The following HDAC5 variants were observed in gnomAD, a reference collection of about 807,000 sequenced individuals.
HDAC5 encodes histone deacetylase 5.
A neutral mutation model predicts 133.3 loss-of-function variants in HDAC5; 25 were observed. The ratio of observed to expected loss-of-function variants is 0.19; its 90% CI spans 0.14 to 0.26. HDAC5 has a LOEUF of 0.26. Among genes scored for constraint, HDAC5 ranks in the 10% least tolerant of loss-of-function variants. HDAC5 has a pLI of 1.00. For synonymous variants in HDAC5, 589 were observed against 610.8 expected, an observed-to-expected ratio of 0.96 and a Z score of 0.53; for missense variants, 1,041 against 1,460.5, an observed-to-expected ratio of 0.71 and a Z score of 4.68.
At chr17:44,114,693 T>A (rs1037773425) in intron 2 of HDAC5, among the ~76,000 whole-genome samples, 2 of 152,146 alleles carry the variant, frequency 1.3e-5, no homozygotes, top group African/African-American at 4.8e-5. Flanking sequence ...CCCAGGCCCC[T>A]GGGCAGCTCC....
chr17:44,091,728 G>A lies in HDAC5; in HGVS notation c.1136C>T (p.Thr379Met), dbSNP rs750672810. The A allele has an allele frequency of 6.9e-6, 11 of 1,585,666 alleles. No individual in the cohort carries two copies. Among genetic ancestry groups the A allele is most frequent in the Middle Eastern group, 1.7e-4 (1 of 5,912 alleles). ...LPNISLGLQA[T>M]VTVTNSHLTA... is the part of the protein sequence containing the mutation. ...GAGGTGTGAGTTGGTGACAGTGACC[G>A]TGGCCTGCAGCCCTAGGGAGATGTT... Residue 379 changes from threonine to methionine, a missense_variant, in exon 10 of 27, where the codon ACG (threonine) becomes ATG (methionine). This residue lies in a region of HDAC5 where 433 missense variants were observed against 531.6 expected (regional missense o/e 0.81). Transcript: ENST00000682912.
intron 12 of HDAC5, 58 bp downstream of exon 12, chr17:44,088,329 T>G: frequency 3.3e-6 from 5 of 1,520,470 alleles, no homozygotes; most frequent in Non-Finnish European, 4.4e-6. Flanking sequence ...GCCAGCCTGG[T>G]ACTCTCCTGT....
intron 2 of HDAC5, among the ~76,000 whole-genome samples, chr17:44,116,259 G>C (rs2052639457): frequency 6.6e-6 from 1 of 152,226 alleles, no homozygotes; most frequent in Non-Finnish European, 1.5e-5. Context: ...GTAGTGTCCA[G>C]CCAAGATGCA....
At position 44,077,289 on chromosome 17, in the gene HDAC5, CTTA is replaced by C. The variant is rs2050165535; in HGVS notation, c.*1084_*1086del. 1 of 152,646 alleles carries C rather than the reference CTTA, an allele frequency of 6.6e-6. No homozygotes were observed. Among genetic ancestry groups the C allele is most frequent in the Non-Finnish European group, 1.5e-5 (1 of 68,112 alleles). The allele number at this position is 152,646 out of a possible 1,614,324, so 9.5% of individuals were successfully genotyped here. A position where few individuals can be genotyped will look rare whatever the true frequency, so the allele number is the denominator to read the frequency against. On this transcript the variant is annotated 3_prime_UTR_variant, in exon 27 of 27. Coordinates refer to ENST00000682912, the MANE Select transcript of HDAC5 (RefSeq NM_005474.5). ...GGACAGCGCCCAGCCCCCTCCTGGT[CTTA>C]GCTCCCTTGGGCTGGTGGTCAGCAA... is the stretch of plus-strand genomic sequence containing the variant.
intron 3 of HDAC5, among the ~76,000 whole-genome samples, chr17:44,094,842 C>T (rs187844376): frequency 6.6e-6 from 1 of 152,108 alleles, no homozygotes; most frequent in African/African-American, 2.4e-5. Flanking sequence ...CTTGCTCTGT[C>T]GCCCAGGCTG....
intron 3 of HDAC5, among the ~76,000 whole-genome samples, chr17:44,108,465 G>A (rs2143533232): frequency 6.6e-6 from 1 of 152,286 alleles, no homozygotes; most frequent in East Asian, 1.9e-4. Context: ...AGATGCTGCT[G>A]GAGGTGGCAG....
chr17:44,085,014 T>TC lies in HDAC5; in HGVS notation c.2184+7dup. The TC allele has an allele frequency of 6.4e-7, 1 of 1,561,470 alleles. No individual in the cohort carries two copies. Among genetic ancestry groups the TC allele is most frequent in the African/African-American group, 1.4e-5 (1 of 73,008 alleles). ...GTTGAGAGCCAGAAGAAGGAGGGGC[T>TC]CCCTTACCTCGCACTTGCTAAGCAG... On this transcript the variant is annotated splice_region_variant and intron_variant, in intron 15 of 26. Coordinates refer to ENST00000682912, the MANE Select transcript of HDAC5 (RefSeq NM_005474.5).
chr17:44,078,546 C>T lies in HDAC5; in HGVS notation c.3283G>A (p.Gly1095Arg), dbSNP rs747074641. 25 of 1,612,182 alleles carry T rather than the reference C, an allele frequency of 1.6e-5. No individual in the cohort carries two copies. The highest frequency in any genetic ancestry group is 2.2e-5 in the East Asian group (1 of 44,882). ...GCCGCAGCCTGGGCCTGCTCGGCCC[C>T]CACCGACAGCAAGGCCATGGCGCTC... ...TVSAMALLSV[G>R]AEQAQAAAAR... The change falls in exon 26 of 27, where the codon GGG becomes AGG. Residue 1095 changes from glycine (G) to arginine (R), a missense_variant. Coordinates refer to ENST00000682912, the MANE Select transcript of HDAC5 (RefSeq NM_005474.5).
In HDAC5 at chr17:44,087,636, C is replaced by T; in HGVS notation, c.1660G>A (p.Glu554Lys). 1 of 1,613,272 alleles carries T rather than the reference C, an allele frequency of 6.2e-7. No homozygotes were observed. The highest frequency in any genetic ancestry group is 8.5e-7 in the Non-Finnish European group (1 of 1,179,584). Residue 554 changes from glutamate (E) to lysine (K), a missense_variant, in exon 13 of 27, where the codon GAG becomes AAG. Glu to Lys is a moderately conservative substitution (Grantham distance 56). This residue lies in a region of HDAC5 where 433 missense variants were observed against 531.6 expected (regional missense o/e 0.81). Transcript: ENST00000682912. ...QPTTHPEETE[E>K]ELTEQQEVLL... Reference sequence around the variant, plus strand: ...ACCTCCTGCTGCTCCGTCAGCTCCTCCTCTGTCTCCTCAGGGTGGGTGGTG... The same window carrying T: ...ACCTCCTGCTGCTCCGTCAGCTCCTTCTCTGTCTCCTCAGGGTGGGTGGTG...
chr17:44,109,710 G>A (rs1199204246), intron 3 of HDAC5, among the ~76,000 whole-genome samples: 2 of 152,240 alleles, frequency 1.3e-5, no homozygotes, highest in African/African-American at 2.4e-5. Context: ...ACCTGCAGAG[G>A]CACACAGTTC....
chr17:44,114,258 G>A (rs548710107), intron 2 of HDAC5, among the ~76,000 whole-genome samples: 14 of 152,222 alleles, frequency 9.2e-5, no homozygotes, highest in Non-Finnish European at 1.9e-4. Context: ...GAGAAGGGAG[G>A]CCAGGAGTCT....
At chr17:44,094,330 A>AAAAAAAC (rs1271195179) in intron 3 of HDAC5, among the ~76,000 whole-genome samples, 1 of 151,286 alleles carries the variant, frequency 6.6e-6, no homozygotes, top group Non-Finnish European at 1.5e-5. Flanking sequence ...TCCAGAAAAA[A>AAAAAAAC]AAAAAACAAA....
chr17:44,084,392 G>A (rs991760076), intron 16 of HDAC5, among the ~76,000 whole-genome samples, 163 bp downstream of exon 16: 4 of 152,110 alleles, frequency 2.6e-5, no homozygotes, highest in African/African-American at 4.8e-5. Context: ...TTTTAGTGGC[G>A]CCCTCTGGAG....
intron 14 of HDAC5, among the ~76,000 whole-genome samples, chr17:44,085,781 C>T (rs1280830480): frequency 1.3e-5 from 2 of 152,056 alleles, no homozygotes; most frequent in Non-Finnish European, 2.9e-5. Context: ...GGATTACAGG[C>T]GTGAGCCACT....
intron 3 of HDAC5, among the ~76,000 whole-genome samples, chr17:44,106,363 C>A (rs1361665494): frequency 6.6e-6 from 1 of 152,170 alleles, no homozygotes; most frequent in Non-Finnish European, 1.5e-5. Flanking sequence ...CCCCAGGAGG[C>A]CCCCAAGGCT....
intron 3 of HDAC5, among the ~76,000 whole-genome samples, chr17:44,099,136 G>GA (rs1332421107): frequency 6.6e-6 from 1 of 151,988 alleles, no homozygotes; most frequent in Non-Finnish European, 1.5e-5. Context: ...AAAATGAAAA[G>GA]AAAAGAAAGC....
At position 44,085,109 on chromosome 17, in the gene HDAC5, C is replaced by T. The variant is rs150132840; in HGVS notation, c.2097G>A (p.Gly699=). The change falls in exon 15 of 27, where the codon GGG becomes GGA. Residue 699 remains glycine (G), a synonymous_variant. Transcript: ENST00000682912. ...CATGCTCAGGGTGCACGTGTGTGTT[C>T]CCGCACATGCACTGGTGCTTTAGCA... ...TFMLKHQCMC[G]NTHVHPEHAG... is the part of the protein sequence containing the mutation. The T allele has an allele frequency of 2.0e-4, 317 of 1,604,844 alleles. No individual in the cohort carries two copies. Among genetic ancestry groups the T allele is most frequent in the Non-Finnish European group, 2.5e-4 (297 of 1,172,472 alleles).
rs2052744218 is a variant in HDAC5, at chr17:44,117,872, T to C, written c.-189-168A>G. ...GAACTGGATAGACCCTGGTTTCTTA[T>C]CTTACTAACTGATGAGGCTCCCAGA... On this transcript the variant is annotated intron_variant, in intron 1 of 26. Coordinates refer to ENST00000682912, the MANE Select transcript of HDAC5 (RefSeq NM_005474.5). This position sits in a 1 kb window ranked among gnomAD's most constrained non-coding sequence, Gnocchi z 4.2. Among the ~76,000 whole-genome samples the C allele has an allele frequency of 6.6e-6, 1 of 152,134 alleles. No individual in the cohort carries two copies. The highest frequency in any genetic ancestry group is 2.4e-5 in the African/African-American group (1 of 41,422).
chr17:44,080,695 C>A, intron 21 of HDAC5, 68 bp downstream of exon 21: 1 of 1,608,628 alleles, frequency 6.2e-7, no homozygotes, highest in South Asian at 1.1e-5. Flanking sequence ...CGTGGCTCCC[C>A]GCCAGGTCCC....
Sources: gnomAD v4.1 joint callset for allele counts (sites outside exome capture counted in the v4.1 genomes callset) on GRCh38, gnomAD v4.1.1 for gene constraint, gnomAD v4.1.1 regional missense constraint, Gnocchi (gnomAD v3.1) non-coding constraint, MANE v1.5 for transcripts, NCBI Gene and HGNC (gene_info 2026-07-23, HGNC 2026-07-21) for gene names.